CXCL13: variants seen among roughly 807,000 people sequenced by gnomAD.
CXCL13 encodes C-X-C motif chemokine 13.
In CXCL13, 7 loss-of-function variants were observed where a neutral mutation model predicts 12.2. That is an observed-to-expected ratio of 0.57 (90% CI 0.33 to 1.07). The LOEUF (loss-of-function observed/expected upper bound fraction) is 1.07. Among genes scored for constraint, CXCL13 ranks in the 50% least tolerant of loss-of-function variants. The pLI is 0.04. For synonymous variants in CXCL13, 47 were observed against 42.4 expected, an observed-to-expected ratio of 1.11 and a Z score of -0.42; for missense variants, 113 against 127.4, an observed-to-expected ratio of 0.89 and a Z score of 0.55.
intron 1 of CXCL13, among the ~76,000 whole-genome samples, chr4:77,555,746 G>C (rs1400825687): frequency 6.6e-6 from 1 of 152,070 alleles, no homozygotes; most frequent in African/African-American, 2.4e-5. Flanking sequence ...TGAAAGACCT[G>C]TATCCAGAAT....
intron 1 of CXCL13, among the ~76,000 whole-genome samples, chr4:77,595,199 C>T (rs1012278909): frequency 1.3e-5 from 2 of 151,766 alleles, no homozygotes; most frequent in Admixed American, 6.6e-5. Flanking sequence ...TACGGGCAGC[C>T]GCTGTTTTTG....
intron 1 of CXCL13, among the ~76,000 whole-genome samples, chr4:77,529,376 GC>G (rs1269148306): frequency 3.3e-5 from 5 of 152,288 alleles, no homozygotes; most frequent in African/African-American, 1.2e-4. Context: ...GGGCAGAATG[GC>G]CATTTTCACA....
At chr4:77,609,910 C>T (rs1727104343) in intron 2 of CXCL13, among the ~76,000 whole-genome samples, 1 of 152,194 alleles carries the variant, frequency 6.6e-6, no homozygotes, top group Non-Finnish European at 1.5e-5. Flanking sequence ...CCTAAGTTAT[C>T]ATCAGAAGGT....
intron 1 of CXCL13, among the ~76,000 whole-genome samples, chr4:77,570,297 C>T (rs1336130233): frequency 6.6e-6 from 1 of 152,212 alleles, no homozygotes; most frequent in African/African-American, 2.4e-5. Flanking sequence ...AGCTTCAGCA[C>T]AGCAAAAGAA....
At chr4:77,596,277 A>G (rs1360940058) in intron 1 of CXCL13, among the ~76,000 whole-genome samples, 1 of 152,210 alleles carries the variant, frequency 6.6e-6, no homozygotes, top group African/African-American at 2.4e-5. Context: ...CCATCTCTGT[A>G]TCACCTCCCA....
At chr4:77,539,246 G>C (rs1725143072) in intron 1 of CXCL13, among the ~76,000 whole-genome samples, 1 of 152,024 alleles carries the variant, frequency 6.6e-6, no homozygotes, top group South Asian at 2.1e-4. Flanking sequence ...TCCCAGTGAA[G>C]GGACTGGCCA....
chr4:77,535,578 A>T (rs1722310082), intron 1 of CXCL13, among the ~76,000 whole-genome samples: 2 of 152,202 alleles, frequency 1.3e-5, no homozygotes, highest in South Asian at 4.1e-4. Context: ...GCAACTTCCA[A>T]AGATAGGGCA....
At chr4:77,520,433 C>A (rs1019265609) in intron 1 of CXCL13, among the ~76,000 whole-genome samples, 2 of 152,148 alleles carry the variant, frequency 1.3e-5, no homozygotes, top group Admixed American at 6.5e-5. Flanking sequence ...TCCTTCACAT[C>A]CCTTGTAAGT....
At chr4:77,598,455 G>T (rs1357799960) in intron 1 of CXCL13, among the ~76,000 whole-genome samples, 1 of 152,122 alleles carries the variant, frequency 6.6e-6, no homozygotes, top group Admixed American at 6.5e-5. Context: ...ACCAGACTAT[G>T]CTTTTCTCAC....
At position 77,578,700 on chromosome 4, in the gene CXCL13, C is replaced by A. The variant is rs75230366; in HGVS notation, c.-42-27124C>A. Reference sequence around the variant, plus strand: ...TCTTTTTCTCTCCTAATAAGTTCAACCCTACCCACCCTTCAATGTGTCCAT... The same window carrying A: ...TCTTTTTCTCTCCTAATAAGTTCAAACCTACCCACCCTTCAATGTGTCCAT... On this transcript the variant is annotated intron_variant, in intron 1 of 4. Transcript: ENST00000286758. 3.3e-3 allele frequency among the ~76,000 whole-genome samples: 495 copies of A among 152,254 alleles called. 2 individuals are homozygous for A. The highest frequency in any genetic ancestry group is 0.011 in the African/African-American group (439 of 41,548).
intron 1 of CXCL13, among the ~76,000 whole-genome samples, chr4:77,565,689 CA>C (rs1485631395): frequency 1.3e-5 from 2 of 152,142 alleles, no homozygotes; most frequent in Non-Finnish European, 2.9e-5. Context: ...ATCCTGCCCT[CA>C]AAGGACTCAC....
chr4:77,568,408 C>T (rs964888558), intron 1 of CXCL13, among the ~76,000 whole-genome samples: 5 of 152,190 alleles, frequency 3.3e-5, no homozygotes, highest in African/African-American at 9.7e-5. Flanking sequence ...TCTCTCCAAC[C>T]GTTTCTCTTT....
At chr4:77,605,740 C>G, upstream of CXCL13, 2 of 472,212 alleles carry the variant, frequency 4.2e-6, no homozygotes, top group Non-Finnish European at 7.7e-6. Context: ...GCTGATGATG[C>G]AGCTGACCTA....
chr4:77,516,263 A>C (rs1009548709), intron 1 of CXCL13, among the ~76,000 whole-genome samples: 1 of 152,114 alleles, frequency 6.6e-6, no homozygotes, highest in African/African-American at 2.4e-5. Flanking sequence ...ATTGGTCTAA[A>C]ATTCTCTTTT....
chr4:77,568,966 A>G (rs1315996002), intron 1 of CXCL13, among the ~76,000 whole-genome samples: 1 of 152,204 alleles, frequency 6.6e-6, no homozygotes, highest in Non-Finnish European at 1.5e-5. Flanking sequence ...TTCTTGAAAG[A>G]CTTAGAAAAA....
At chr4:77,529,213 G>A (rs1226331220) in intron 1 of CXCL13, among the ~76,000 whole-genome samples, 1 of 152,178 alleles carries the variant, frequency 6.6e-6, no homozygotes, top group African/African-American at 2.4e-5. Context: ...CAGGTAGCGT[G>A]ATGCCTCCAG....
At chr4:77,555,091 T>C (rs1725630599) in intron 1 of CXCL13, among the ~76,000 whole-genome samples, 1 of 151,578 alleles carries the variant, frequency 6.6e-6, no homozygotes, top group South Asian at 2.1e-4. Context: ...ATGAATAAAA[T>C]AAATGAAATT....
At chr4:77,605,797 G>A (rs573522595), upstream of CXCL13, 143 of 910,322 alleles carry the variant, frequency 1.6e-4, no homozygotes, top group South Asian at 1.6e-4. Flanking sequence ...TAAATAAATA[G>A]GAGTCTCTGG....
At chr4:77,536,901 G>A (rs1007342529) in intron 1 of CXCL13, among the ~76,000 whole-genome samples, 1 of 152,100 alleles carries the variant, frequency 6.6e-6, no homozygotes, top group Non-Finnish European at 1.5e-5. Flanking sequence ...TGAACTAGAG[G>A]TGTGATCTGT....
Sources: gnomAD v4.1 joint callset for allele counts (sites outside exome capture counted in the v4.1 genomes callset) on GRCh38, gnomAD v4.1.1 for gene constraint, MANE v1.5 for transcripts, NCBI Gene and HGNC (gene_info 2026-07-23, HGNC 2026-07-21) for gene names.